The following WHR1 variants were observed in gnomAD, a reference collection of about 807,000 sequenced individuals.
WHR1 encodes winged helix repair factor 1, also known as MHC class III HLA-RP1.
At chr6:31,979,492 G>T in the WHR1 span, 1 of 1,612,942 alleles carries the variant, frequency 6.2e-7, no homozygotes, top group Non-Finnish European at 8.5e-7. Flanking sequence ...AGCCTGTGGG[G>T]ACCTTAGTTT....
chr6:31,976,910 G>A, the WHR1 span, among the ~76,000 whole-genome samples: 1 of 152,358 alleles, frequency 6.6e-6, no homozygotes, highest in South Asian at 2.1e-4. Flanking sequence ...CAGGCGTGGC[G>A]GCGCGCGCCT....
chr6:31,976,008 C>T, the WHR1 span, among the ~76,000 whole-genome samples: 7 of 149,794 alleles, frequency 4.7e-5, no homozygotes, highest in African/African-American at 7.4e-5. Flanking sequence ...CCTCACCTCC[C>T]GGACGAGGCG....
the WHR1 span, chr6:31,980,806 G>T: frequency 6.6e-7 from 1 of 1,526,584 alleles, no homozygotes; most frequent in Non-Finnish European, 8.8e-7. Context: ...GGACTGGTGA[G>T]TCTTTCCCTG....
the WHR1 span, among the ~76,000 whole-genome samples, chr6:31,977,949 G>A: frequency 6.6e-5 from 10 of 151,794 alleles, no homozygotes; most frequent in Non-Finnish European, 1.2e-4. Context: ...CACCACGCCC[G>A]GCTAATTTTT....
At chr6:31,973,549 TA>T in the WHR1 span, among the ~76,000 whole-genome samples, 1 of 152,180 alleles carries the variant, frequency 6.6e-6, no homozygotes, top group African/African-American at 2.4e-5. Flanking sequence ...TAGAAGGTGA[TA>T]AAAGCTATGG....
At chr6:31,979,425 C>T in the WHR1 span, 1 of 1,612,860 alleles carries the variant, frequency 6.2e-7, no homozygotes. Flanking sequence ...TCCTCAAGGC[C>T]TGTGATGGCC....
chr6:31,978,995 C>T, the WHR1 span: 1 of 1,611,870 alleles, frequency 6.2e-7, no homozygotes, highest in Non-Finnish European at 8.5e-7. Flanking sequence ...ACTACAGGAC[C>T]AGAGTATGTG....
the WHR1 span, chr6:31,980,755 C>T: frequency 6.2e-7 from 1 of 1,604,806 alleles, no homozygotes; most frequent in East Asian, 2.2e-5. Flanking sequence ...GCGGCTTGGC[C>T]TCACCTACCA....
At chr6:31,971,231 AGGACTGATTCTCACCCC>A in the WHR1 span, 1 of 1,558,832 alleles carries the variant, frequency 6.4e-7, no homozygotes, top group African/African-American at 1.4e-5. The surrounding 1 kb of genome is among the most constrained non-coding windows in gnomAD (Gnocchi z 4.5). Flanking sequence ...GTTTCTTCTA[AGGACTGATTCTCACCCC>A]GGCTTTGGCT....
At chr6:31,980,448 C>T in the WHR1 span, 2 of 1,611,596 alleles carry the variant, frequency 1.2e-6, no homozygotes, top group East Asian at 2.2e-5. Context: ...CCACTGCCCT[C>T]AGGCATCTGG....
the WHR1 span, chr6:31,972,426 G>C: frequency 6.2e-7 from 1 of 1,613,070 alleles, no homozygotes; most frequent in Non-Finnish European, 8.5e-7. This position sits in a 1 kb window ranked among gnomAD's most constrained non-coding sequence, Gnocchi z 6.3. Flanking sequence ...GCTGGAAGAG[G>C]CATCACCTGA....
the WHR1 span, among the ~76,000 whole-genome samples, chr6:31,975,424 A>T: frequency 6.6e-6 from 1 of 151,688 alleles, no homozygotes; most frequent in Non-Finnish European, 1.5e-5. Context: ...AATGGTCTTG[A>T]TCTCCTGACC....
chr6:31,976,828 G>C, the WHR1 span, among the ~76,000 whole-genome samples: 1 of 152,238 alleles, frequency 6.6e-6, no homozygotes, highest in Non-Finnish European at 1.5e-5. Flanking sequence ...GATCACTCGC[G>C]GTTAGGAGCT....
chr6:31,971,339 G>A, the WHR1 span: 2 of 1,544,800 alleles, frequency 1.3e-6, no homozygotes, highest in Non-Finnish European at 1.7e-6. The surrounding 1 kb of genome is among the most constrained non-coding windows in gnomAD (Gnocchi z 4.5). Context: ...CGGCCTCGGT[G>A]TTCCAGGAGC....
At chr6:31,977,281 C>G in the WHR1 span, among the ~76,000 whole-genome samples, 1 of 151,840 alleles carries the variant, frequency 6.6e-6, no homozygotes, top group Non-Finnish European at 1.5e-5. Context: ...AAGTGATTCT[C>G]CTGCCTCAGC....
chr6:31,973,182 A>T, the WHR1 span: 1 of 394,464 alleles, frequency 2.5e-6, no homozygotes, highest in African/African-American at 2.1e-5. Context: ...AGAAGTGGTG[A>T]AGGCCTAAAT....
the WHR1 span, among the ~76,000 whole-genome samples, chr6:31,973,642 C>T: frequency 6.6e-6 from 1 of 152,128 alleles, no homozygotes; most frequent in Non-Finnish European, 1.5e-5. Flanking sequence ...TTTACTAATC[C>T]TGCGAGGTCC....
At chr6:31,972,535 G>A in the WHR1 span, 2 of 1,598,188 alleles carry the variant, frequency 1.3e-6, no homozygotes, top group African/African-American at 2.7e-5. This position sits in a 1 kb window ranked among gnomAD's most constrained non-coding sequence, Gnocchi z 6.3. Context: ...CCCCGGGGGT[G>A]GGGCCTCGCT....
the WHR1 span, chr6:31,980,165 G>T: frequency 2.2e-6 from 1 of 448,928 alleles, no homozygotes; most frequent in Non-Finnish European, 4.0e-6. Context: ...ATGTGTGTCA[G>T]GACATGTGGT....
Sources: allele counts gnomAD v4.1 joint callset (sites outside exome capture counted in the v4.1 genomes callset), GRCh38; gene constraint gnomAD v4.1.1; non-coding constraint Gnocchi (gnomAD v3.1); transcripts MANE v1.5; gene names NCBI Gene and HGNC (gene_info 2026-07-23, HGNC 2026-07-21).